NEMF: variants seen among roughly 807,000 people sequenced by gnomAD.
NEMF encodes ribosome quality control complex subunit NEMF.
A neutral mutation model predicts 162.2 loss-of-function variants in NEMF; 89 were observed. That is an observed-to-expected ratio of 0.55 (90% CI 0.46 to 0.65). The LOEUF is 0.65. Among genes scored for constraint, NEMF ranks in the 30% least tolerant of loss-of-function variants. The pLI is 0.00. For missense variants in NEMF, 1,133 were observed against 1,261.9 expected (o/e 0.90, Z 1.55); for synonymous variants, 421 against 404.5 (o/e 1.04, Z -0.49).
intron 11 of NEMF, among the ~76,000 whole-genome samples, 161 bp from the exon 12 acceptor site, chr14:49,829,587 C>G (rs116132944): frequency 7.2e-5 from 11 of 152,160 alleles, no homozygotes; most frequent in Non-Finnish European, 1.3e-4. Context: ...CACTACAATG[C>G]GTTCCATGCC....
Position 49,783,001 on chromosome 14 carries a change from G to A in NEMF, c.*1635C>T, listed in dbSNP as rs1444320073. The A allele has an allele frequency of 3.8e-6, 6 of 1,577,536 alleles. No homozygotes were observed. In the East Asian group the frequency reaches 1.4e-4, roughly 36 times the overall value. ...ATCACCTTGCATGGACAGCAATCCTGTAAACATCACAGAGTGGCATCATTT... is the reference window on the plus strand; with the variant it reads ...ATCACCTTGCATGGACAGCAATCCTATAAACATCACAGAGTGGCATCATTT... On this transcript the variant is annotated 3_prime_UTR_variant, in exon 33 of 33. Coordinates refer to ENST00000298310, the MANE Select transcript of NEMF (RefSeq NM_004713.6).
chr14:49,782,865 T>TA lies in NEMF; in HGVS notation c.*1770_*1771insT. 6.2e-7 allele frequency: 1 copy of TA among 1,613,916 alleles called. No individual in the cohort carries two copies. Among genetic ancestry groups the TA allele is most frequent in the Non-Finnish European group, 8.5e-7 (1 of 1,179,868 alleles). On this transcript the variant is annotated 3_prime_UTR_variant, in exon 33 of 33. Coordinates refer to ENST00000298310, the MANE Select transcript of NEMF (RefSeq NM_004713.6). Reference sequence around the variant, plus strand: ...GAAGCAGTCATTTGCTTTAAAGAAATGTTAGCCAACTCATGGAACTGCCTT... The same window carrying TA: ...GAAGCAGTCATTTGCTTTAAAGAAATAGTTAGCCAACTCATGGAACTGCCTT...
chr14:49,838,624 G>A (rs145283630), intron 5 of NEMF, among the ~76,000 whole-genome samples: 5 of 135,868 alleles, frequency 3.7e-5, no homozygotes, highest in Admixed American at 8.2e-5. Context: ...TTGCTCTGTC[G>A]CCCAGGCTGC....
At chr14:49,852,660 TC>T (rs1468338780) in intron 1 of NEMF, 34 bp downstream of exon 1, 37 of 1,611,872 alleles carry the variant, frequency 2.3e-5, no homozygotes, top group Non-Finnish European at 3.1e-5. Flanking sequence ...CCTCCTGCAC[TC>T]CCCACACGAG....
chr14:49,840,459 C>T (rs1265974265), intron 5 of NEMF, among the ~76,000 whole-genome samples: 1 of 10,356 alleles, frequency 9.7e-5, no homozygotes, highest in Non-Finnish European at 2.4e-4. Context: ...GAGACTCCAT[C>T]TCAAAAAAAA....
chr14:49,784,477 T>G lies in NEMF; in HGVS notation c.*159A>C, dbSNP rs535056227. ...AGACAGTGTTTCCTCTATATAAAAC[T>G]GGGAAAAAACAAGAAGTAAGTCCTT... On this transcript the variant is annotated 3_prime_UTR_variant, in exon 33 of 33. Coordinates refer to ENST00000298310, the MANE Select transcript of NEMF (RefSeq NM_004713.6). The G allele has an allele frequency of 6.9e-6, 4 of 583,500 alleles. No homozygotes were observed. The African/African-American group carries it at 7.6e-5, about 11-fold the overall frequency. The allele number at this position is 583,500 out of a possible 1,614,324, so 36.1% of individuals were successfully genotyped here.
rs183751332 is a variant in NEMF at position 49,815,800 on chromosome 14, T to C, written c.1578-943A>G. 1.8e-4 allele frequency among the ~76,000 whole-genome samples: 27 copies of C among 152,092 alleles called. 1 individual carries two copies. The East Asian group carries it at 5.2e-3, about 29-fold the overall frequency. On this transcript the variant is annotated intron_variant, in intron 16 of 32. Coordinates refer to ENST00000298310, the MANE Select transcript of NEMF (RefSeq NM_004713.6). ...TAACATGGTGAAAACCCGTCTCTAC[T>C]GAAAATATGAAAAATTAGCCGGGTG...
chr14:49,838,039 C>T, intron 6 of NEMF, 100 bp downstream of exon 6: 1 of 887,184 alleles, frequency 1.1e-6, no homozygotes, highest in Non-Finnish European at 1.8e-6. Context: ...CCAAGGATCA[C>T]TTGTTCAAAT....
intron 25 of NEMF, among the ~76,000 whole-genome samples, chr14:49,798,194 T>C (rs1016127602): frequency 3.3e-5 from 5 of 152,360 alleles, no homozygotes; most frequent in African/African-American, 9.6e-5. Context: ...ATTCATAAAC[T>C]ATAGTCATAC....
intron 29 of NEMF, chr14:49,786,480 C>A: frequency 1.9e-6 from 1 of 515,472 alleles, no homozygotes; most frequent in Admixed American, 3.6e-5. Flanking sequence ...TCAAAACAAC[C>A]CTCTCCTGGG....
At chr14:49,835,690 A>G (rs1240153917) in intron 6 of NEMF, among the ~76,000 whole-genome samples, 1 of 152,250 alleles carries the variant, frequency 6.6e-6, no homozygotes, top group Non-Finnish European at 1.5e-5. Context: ...AATTAATAGC[A>G]TTCAGATTCT....
At chr14:49,827,092 T>C (rs979305030) in intron 15 of NEMF, among the ~76,000 whole-genome samples, 2 of 151,890 alleles carry the variant, frequency 1.3e-5, no homozygotes, top group African/African-American at 2.4e-5. Flanking sequence ...GGGGAGGAGA[T>C]CTCCCGTCCT....
intron 16 of NEMF, 121 bp from the exon 17 acceptor site, chr14:49,814,978 G>A (rs781180548): frequency 1.6e-6 from 1 of 609,098 alleles, no homozygotes. Flanking sequence ...ATTTTTTTAA[G>A]GCATCAAGCT....
intron 16 of NEMF, chr14:49,820,392 T>G: frequency 2.2e-6 from 1 of 456,606 alleles, no homozygotes. Context: ...CTGTCAGCAC[T>G]TACGCGTTGT....
intron 28 of NEMF, chr14:49,786,955 G>A (rs1463869696): frequency 2.0e-6 from 1 of 512,154 alleles, no homozygotes; most frequent in Non-Finnish European, 3.4e-6. Flanking sequence ...TATTACTTAA[G>A]AAAGTAATGT....
chr14:49,805,178 A>G (rs1311334280), intron 19 of NEMF, among the ~76,000 whole-genome samples: 1 of 152,338 alleles, frequency 6.6e-6, no homozygotes, highest in African/African-American at 2.4e-5. Context: ...ATATCACAGC[A>G]CAGCATATAA....
chr14:49,802,510 T>G lies in NEMF; in HGVS notation c.2038A>C (p.Met680Leu). 5.0e-6 allele frequency: 8 copies of G among 1,613,994 alleles called. No individual in the cohort carries two copies. Among genetic ancestry groups the G allele is most frequent in the Non-Finnish European group, 6.8e-6 (8 of 1,179,888 alleles). The change falls in exon 22 of 33, where the codon ATG becomes CTG. Residue 680 changes from methionine to leucine, a missense_variant. By Grantham distance (15) the Met-to-Leu change is conservative. Around this residue, in one of 3 missense-constraint regions of NEMF, gnomAD observed 532 missense variants for 578.6 expected, o/e 0.92. Coordinates refer to ENST00000298310, the MANE Select transcript of NEMF (RefSeq NM_004713.6). ...CTTGTACAACTTGCCAGTGTCTCCA[T>G]GTCTTCATCCTGTACTCTGACTTTT... ...ERKVRVQDED[M>L]ETLASCTSEL...
At position 49,843,491 on chromosome 14, in the gene NEMF, C is replaced by G. The variant is rs564918234; in HGVS notation, c.358-2625G>C. On this transcript the variant is annotated intron_variant, in intron 4 of 32. Coordinates refer to ENST00000298310, the MANE Select transcript of NEMF (RefSeq NM_004713.6). ...CCTGGCCAACAGAGCAAGACTCTATCTCAAAAAAATAAAAAATATTGCATA... is the reference window on the plus strand; with the variant it reads ...CCTGGCCAACAGAGCAAGACTCTATGTCAAAAAAATAAAAAATATTGCATA... Among the ~76,000 whole-genome samples the G allele has an allele frequency of 4.6e-5, 7 of 152,168 alleles. No individual in the cohort carries two copies. The South Asian group carries it at 1.2e-3, about 27-fold the overall frequency.
intron 11 of NEMF, among the ~76,000 whole-genome samples, chr14:49,829,748 A>G (rs1389285255): frequency 6.6e-6 from 1 of 152,228 alleles, no homozygotes; most frequent in Non-Finnish European, 1.5e-5. Context: ...ATGGCACAAA[A>G]GTAAAGTTTG....
Sources: allele counts gnomAD v4.1 joint callset (sites outside exome capture counted in the v4.1 genomes callset), GRCh38; gene constraint gnomAD v4.1.1; regional missense constraint gnomAD v4.1.1; transcripts MANE v1.5; gene names NCBI Gene and HGNC (gene_info 2026-07-23, HGNC 2026-07-21).